Variants in DHX35 observed in about 807,000 individuals in gnomAD.
DHX35 encodes the protein probable ATP-dependent RNA helicase DHX35.
DHX35 carries 84 observed loss-of-function variants against 99.6 expected under a neutral mutation model. That is an observed-to-expected ratio of 0.84 (90% CI 0.71 to 1.01). DHX35 has a LOEUF of 1.01. Ranked by LOEUF, DHX35 falls within the 50% of genes least tolerant of loss-of-function variation. The pLI is 0.00. For missense variants in DHX35, 852 were observed against 888.5 expected (o/e 0.96, Z 0.52); for synonymous variants, 331 against 316.2 (o/e 1.05, Z -0.50).
intron 20 of DHX35, among the ~76,000 whole-genome samples, chr20:39,032,290 G>A (rs2087068439): frequency 1.3e-5 from 2 of 152,180 alleles, no homozygotes; most frequent in Admixed American, 1.3e-4. Flanking sequence ...TCCTGCCTCA[G>A]CCTCCTGAGT....
chr20:39,023,607 C>A, intron 16 of DHX35, 83 bp from the exon 17 acceptor site: 1 of 1,332,776 alleles, frequency 7.5e-7, no homozygotes, highest in Non-Finnish European at 1.1e-6. Flanking sequence ...CCCACCTTAG[C>A]CTCACCAAAT....
At chr20:38,992,540 A>T (rs1277219995) in intron 7 of DHX35, 115 bp downstream of exon 7, 20 of 936,104 alleles carry the variant, frequency 2.1e-5, no homozygotes. Context: ...AATTAAAATC[A>T]TCCATAATCC....
chr20:38,987,543 TTTAAA>T (rs1406565994), intron 4 of DHX35, among the ~76,000 whole-genome samples: 1 of 152,208 alleles, frequency 6.6e-6, no homozygotes, highest in Non-Finnish European at 1.5e-5. Context: ...CCTATTTTCT[TTTAAA>T]TTAAACTAAA....
At chr20:39,009,616 C>T (rs1313364361) in intron 12 of DHX35, among the ~76,000 whole-genome samples, 1 of 151,998 alleles carries the variant, frequency 6.6e-6, no homozygotes, top group African/African-American at 2.4e-5. Context: ...CCCCACCCTT[C>T]CTGCCTAGCT....
At chr20:38,968,953 C>A in intron 1 of DHX35, 128 bp from the exon 2 acceptor site, 2 of 1,137,164 alleles carry the variant, frequency 1.8e-6, no homozygotes, top group Non-Finnish European at 2.4e-6. Context: ...AGGTTGAATA[C>A]CTTTGAGTAG....
In DHX35 at chr20:38,981,159, A is replaced by G. The variant is rs376566773; in HGVS notation, c.268-2540A>G. ...TAAGGTTCCAGCTTTTGCCTGTGAA[A>G]CTACTGTCTTTCCCTTTTTAGTTGA... On this transcript the variant is annotated intron_variant, in intron 3 of 21. Coordinates refer to ENST00000252011, the MANE Select transcript of DHX35 (RefSeq NM_021931.4). Among the ~76,000 whole-genome samples the G allele has an allele frequency of 5.1e-4, 77 of 152,310 alleles. No homozygotes were observed. In the South Asian group the frequency reaches 0.015, roughly 29 times the overall value.
At chr20:39,010,800 T>C (rs968158816) in intron 13 of DHX35, among the ~76,000 whole-genome samples, 1 of 152,028 alleles carries the variant, frequency 6.6e-6, no homozygotes, top group African/African-American at 2.4e-5. Context: ...AGTACCATGA[T>C]TGGGGGATCC....
chr20:39,036,796 C>T (rs1224554531), intron 21 of DHX35, among the ~76,000 whole-genome samples: 4 of 150,316 alleles, frequency 2.7e-5, no homozygotes, highest in Non-Finnish European at 5.9e-5. Context: ...CGATGGTCCC[C>T]AAACCACAGA....
intron 14 of DHX35, 111 bp downstream of exon 14, chr20:39,015,045 T>TC: frequency 8.2e-7 from 1 of 1,217,352 alleles, no homozygotes; most frequent in South Asian, 1.3e-5. Context: ...GGATTGGTTC[T>TC]CCCCATATAT....
intron 20 of DHX35, among the ~76,000 whole-genome samples, chr20:39,033,349 C>T (rs964886938): frequency 1.3e-5 from 2 of 152,020 alleles, no homozygotes; most frequent in African/African-American, 4.8e-5. Flanking sequence ...AAAGGCTTTT[C>T]TTTTTCTTGC....
intron 20 of DHX35, 145 bp downstream of exon 20, chr20:39,030,920 T>A: frequency 1.2e-6 from 1 of 845,678 alleles, no homozygotes; most frequent in Non-Finnish European, 1.8e-6. Flanking sequence ...CCCAGCACTT[T>A]GGGAGGCCAA....
At chr20:38,994,236 C>T (rs535635773) in intron 7 of DHX35, among the ~76,000 whole-genome samples, 1 of 152,058 alleles carries the variant, frequency 6.6e-6, no homozygotes, top group African/African-American at 2.4e-5. Flanking sequence ...TTTGCCAACA[C>T]TGAGTATTAG....
At chr20:38,983,902 G>GT (rs202103625) in intron 4 of DHX35, 126 bp downstream of exon 4, 479 of 786,908 alleles carry the variant, frequency 6.1e-4, no homozygotes, top group African/African-American at 5.1e-3. Flanking sequence ...CAGTTTTTAT[G>GT]TTTTTTTTAT....
intron 4 of DHX35, among the ~76,000 whole-genome samples, chr20:38,987,023 T>C (rs1052583447): frequency 6.6e-6 from 1 of 152,202 alleles, no homozygotes; most frequent in Non-Finnish European, 1.5e-5. Context: ...CAGTAAGCTC[T>C]GTCTCAGGAC....
intron 16 of DHX35, among the ~76,000 whole-genome samples, chr20:39,023,213 G>A (rs1568756743): frequency 6.6e-6 from 1 of 152,134 alleles, no homozygotes; most frequent in African/African-American, 2.4e-5. Flanking sequence ...TTACAGATAA[G>A]GAAATCAAGG....
chr20:39,014,738 G>A, intron 13 of DHX35, 142 bp from the exon 14 acceptor site: 1 of 991,496 alleles, frequency 1.0e-6, no homozygotes, highest in Non-Finnish European at 1.6e-6. Context: ...TTCAAGAGGT[G>A]CCAACAGCAA....
At chr20:39,027,095 G>T (rs2086969522) in intron 18 of DHX35, among the ~76,000 whole-genome samples, 1 of 152,088 alleles carries the variant, frequency 6.6e-6, no homozygotes. Context: ...CCAAGAACCA[G>T]TTTCCACCCC....
chr20:39,018,433 C>T (rs543691022), intron 14 of DHX35, among the ~76,000 whole-genome samples: 1 of 151,892 alleles, frequency 6.6e-6, no homozygotes, highest in South Asian at 2.1e-4. Context: ...TTTGGTGCTA[C>T]CCAGTTGTTA....
intron 6 of DHX35, 71 bp from the exon 7 acceptor site, chr20:38,992,285 C>T: frequency 7.6e-7 from 1 of 1,309,404 alleles, no homozygotes; most frequent in Non-Finnish European, 1.1e-6. Context: ...CCCAGAAGCT[C>T]TTTGATGGTC....
Sources: gnomAD v4.1 joint callset for allele counts (sites outside exome capture counted in the v4.1 genomes callset) on GRCh38, gnomAD v4.1.1 for gene constraint, MANE v1.5 for transcripts, NCBI Gene and HGNC (gene_info 2026-07-23, HGNC 2026-07-21) for gene names.